The following ADAM22 variants were observed in gnomAD, a reference collection of about 807,000 sequenced individuals.
ADAM22 encodes the protein disintegrin and metalloproteinase domain-containing protein 22.
ADAM22 carries 65 observed loss-of-function variants against 144.6 expected under a neutral mutation model. That is an observed-to-expected ratio of 0.45 (90% CI 0.37 to 0.55). The LOEUF (loss-of-function observed/expected upper bound fraction) is 0.55. Ranked by LOEUF, ADAM22 falls within the 20% of genes least tolerant of loss-of-function variation. The pLI, the probability that ADAM22 is intolerant of heterozygous loss-of-function variation, is 0.00. For synonymous variants in ADAM22, 391 were observed against 412.6 expected, an observed-to-expected ratio of 0.95 and a Z score of 0.63; for missense variants, 974 against 1,184.9, an observed-to-expected ratio of 0.82 and a Z score of 2.61.
intron 3 of ADAM22, among the ~76,000 whole-genome samples, chr7:87,997,409 C>T (rs1309564065): frequency 6.6e-6 from 1 of 152,236 alleles, no homozygotes; most frequent in African/African-American, 2.4e-5. Flanking sequence ...CTCATAGTTT[C>T]CATGGGTCAG....
At chr7:87,938,015 G>A (rs1427910845) in intron 2 of ADAM22, among the ~76,000 whole-genome samples, 1 of 152,082 alleles carries the variant, frequency 6.6e-6, no homozygotes, top group Non-Finnish European at 1.5e-5. Context: ...AAATTTTAAA[G>A]ACCTGTTTAT....
chr7:87,949,164 G>C (rs1286377290), intron 2 of ADAM22, among the ~76,000 whole-genome samples: 3 of 152,118 alleles, frequency 2.0e-5, no homozygotes, highest in Non-Finnish European at 4.4e-5. Context: ...TCCTGGCCCA[G>C]CAGAGCCAGG....
At chr7:87,984,300 C>T (rs1854417307) in intron 3 of ADAM22, among the ~76,000 whole-genome samples, 1 of 152,142 alleles carries the variant, frequency 6.6e-6, no homozygotes, top group Non-Finnish European at 1.5e-5. Context: ...AGTTTCCCTT[C>T]ACTAGTGATG....
intron 6 of ADAM22, among the ~76,000 whole-genome samples, chr7:88,116,452 A>T (rs938216987): frequency 6.6e-6 from 1 of 152,166 alleles, no homozygotes; most frequent in Non-Finnish European, 1.5e-5. Context: ...ACATTAAGTC[A>T]TTTTGCCAAA....
intron 27 of ADAM22, among the ~76,000 whole-genome samples, chr7:88,181,276 T>C (rs1302910424): frequency 6.6e-6 from 1 of 152,176 alleles, no homozygotes; most frequent in Admixed American, 6.5e-5. Context: ...TTCATTTATA[T>C]ACTATTGTAA....
intron 3 of ADAM22, among the ~76,000 whole-genome samples, chr7:88,031,867 A>C (rs1314507391): frequency 6.6e-6 from 1 of 152,242 alleles, no homozygotes; most frequent in Non-Finnish European, 1.5e-5. Context: ...AAAGGGCCCC[A>C]GATACATCTC....
intron 3 of ADAM22, among the ~76,000 whole-genome samples, chr7:88,040,960 T>G (rs919412215): frequency 2.0e-5 from 3 of 152,062 alleles, no homozygotes; most frequent in Non-Finnish European, 4.4e-5. Flanking sequence ...TCTCAGATCT[T>G]GTCCAATGGC....
chr7:88,180,703 A>G (rs914009616), intron 27 of ADAM22, among the ~76,000 whole-genome samples: 6 of 152,150 alleles, frequency 3.9e-5, no homozygotes, highest in Admixed American at 3.9e-4. Context: ...CAGATTTTAG[A>G]AAAATCTCAG....
At chr7:88,179,810 T>G (rs576370491) in intron 27 of ADAM22, among the ~76,000 whole-genome samples, 1 of 152,260 alleles carries the variant, frequency 6.6e-6, no homozygotes, top group East Asian at 1.9e-4. Flanking sequence ...TTTTAGGAAA[T>G]GAGACCTATG....
chr7:88,129,802 A>T (rs1360705383), intron 9 of ADAM22, among the ~76,000 whole-genome samples: 2 of 152,078 alleles, frequency 1.3e-5, no homozygotes, highest in East Asian at 3.8e-4. Context: ...CCAGGTGAGA[A>T]TGCTAATTTT....
At chr7:88,116,201 G>A (rs12333439) in intron 6 of ADAM22, among the ~76,000 whole-genome samples, 3,307 of 152,170 alleles carry the variant, frequency 0.022, 121 homozygotes, top group African/African-American at 0.075. Flanking sequence ...GAAGCCAGAT[G>A]AAATTATATT....
At position 88,005,339 on chromosome 7, in the gene ADAM22, C is replaced by G. The variant is rs151153010; in HGVS notation, c.323+26927C>G. Among the ~76,000 whole-genome samples the G allele has an allele frequency of 2.0e-5, 3 of 152,198 alleles. No homozygotes were observed. In the East Asian group the frequency reaches 5.8e-4, roughly 29 times the overall value. Reference sequence around the variant, plus strand: ...CAGGGGAGGTGGGGAGCATTCTGGGCATTGCAGGGGTAGTGGAAGCTATCT... The same window carrying G: ...CAGGGGAGGTGGGGAGCATTCTGGGGATTGCAGGGGTAGTGGAAGCTATCT... On this transcript the variant is annotated intron_variant, in intron 3 of 31. Coordinates refer to ENST00000413139, the MANE Select transcript of ADAM22 (RefSeq NM_001324418.2).
chr7:87,992,320 G>C (rs908522574), intron 3 of ADAM22, among the ~76,000 whole-genome samples: 2 of 152,134 alleles, frequency 1.3e-5, no homozygotes, highest in Non-Finnish European at 2.9e-5. Flanking sequence ...GGGAGGCTAA[G>C]ATGCTTTGTT....
chr7:88,018,040 T>C (rs982537399), intron 3 of ADAM22, among the ~76,000 whole-genome samples: 2 of 152,192 alleles, frequency 1.3e-5, no homozygotes, highest in Non-Finnish European at 2.9e-5. Context: ...GGTCCTCTCT[T>C]GTTTCAGGTC....
At chr7:88,029,139 T>C (rs1799676088) in intron 3 of ADAM22, among the ~76,000 whole-genome samples, 2 of 152,094 alleles carry the variant, frequency 1.3e-5, no homozygotes, top group South Asian at 4.1e-4. Flanking sequence ...AAATTTGTTT[T>C]CTGGTTGTTT....
intron 3 of ADAM22, among the ~76,000 whole-genome samples, chr7:88,024,462 A>C (rs1054296795): frequency 1.3e-5 from 2 of 152,122 alleles, no homozygotes; most frequent in Non-Finnish European, 2.9e-5. Context: ...ACTTTTTCAT[A>C]TGCCTGTTTG....
intron 22 of ADAM22, among the ~76,000 whole-genome samples, chr7:88,160,555 G>A (rs967568310): frequency 2.2e-4 from 34 of 151,970 alleles, no homozygotes; most frequent in African/African-American, 2.4e-4. Context: ...AAATAAAGTC[G>A]CACACCTGCA....
intron 3 of ADAM22, among the ~76,000 whole-genome samples, chr7:88,038,547 CG>C (rs1398096830): frequency 6.6e-6 from 1 of 151,110 alleles, no homozygotes; most frequent in Non-Finnish European, 1.5e-5. Context: ...CTCCGCCTCC[CG>C]GGTTCACGCC....
intron 3 of ADAM22, among the ~76,000 whole-genome samples, chr7:88,045,257 A>G (rs1240956304): frequency 2.0e-5 from 3 of 152,158 alleles, no homozygotes; most frequent in Admixed American, 1.3e-4. Flanking sequence ...ACTTCAGGCA[A>G]TCTGTCCACC....
Sources: allele counts gnomAD v4.1 joint callset (sites outside exome capture counted in the v4.1 genomes callset), GRCh38; gene constraint gnomAD v4.1.1; transcripts MANE v1.5; gene names NCBI Gene and HGNC (gene_info 2026-07-23, HGNC 2026-07-21).